The following WNT4 variants were observed in gnomAD, a reference collection of about 807,000 sequenced individuals.
The protein encoded by WNT4 is Wnt family member 4, also known as protein Wnt-4.
WNT4 carries 16 observed loss-of-function variants against 34.5 expected under a neutral mutation model. That is an observed-to-expected ratio of 0.46 (90% CI 0.31 to 0.70). The LOEUF (loss-of-function observed/expected upper bound fraction) is 0.70, where lower values mean the gene tolerates loss of function less well. WNT4 is among the 30% of genes least tolerant of loss of function. WNT4 has a pLI of 0.04. For missense variants in WNT4, 379 were observed against 495.9 expected (o/e 0.76, Z 2.24); for synonymous variants, 200 against 211.9 (o/e 0.94, Z 0.49).
intron 1 of WNT4, among the ~76,000 whole-genome samples, chr1:22,141,474 T>G (rs1001753547): frequency 2.0e-5 from 3 of 151,998 alleles, no homozygotes; most frequent in Admixed American, 6.5e-5. Flanking sequence ...ATTCAGGGGG[T>G]GGCCTGCAGG....
At chr1:22,129,259 G>A (rs1645963678) in intron 2 of WNT4, among the ~76,000 whole-genome samples, 1 of 152,160 alleles carries the variant, frequency 6.6e-6, no homozygotes, top group African/African-American at 2.4e-5. Context: ...TTCCTCTGAG[G>A]AACCTTGGGC....
At chr1:22,126,458 G>A (rs1333509884) in intron 2 of WNT4, among the ~76,000 whole-genome samples, 1 of 152,190 alleles carries the variant, frequency 6.6e-6, no homozygotes, top group Non-Finnish European at 1.5e-5. Context: ...CCAGGGCTGG[G>A]GATGTTACCA....
chr1:22,130,115 C>A (rs1000859162), intron 1 of WNT4, among the ~76,000 whole-genome samples: 4 of 152,176 alleles, frequency 2.6e-5, no homozygotes, highest in African/African-American at 9.7e-5. Flanking sequence ...GCTCATCGAG[C>A]CCCTACGGGA....
rs528675053 is a variant in WNT4, at chr1:22,120,323, C to T, written c.783G>A (p.Gln261=). The T allele has an allele frequency of 6.2e-7, 1 of 1,614,244 alleles. No individual in the cohort carries two copies. The change falls in exon 5 of 5, where the codon CAG becomes CAA. Residue 261 remains glutamine (Q), a synonymous_variant. Coordinates refer to ENST00000290167, the MANE Select transcript of WNT4 (RefSeq NM_030761.5). ...GGTCCTCATCTGTGTGCGGCTTGAA[C>T]TGTGCGTTGCGTGGCACCAGTGCCC... The part of the protein sequence containing the change: ...SSRALVPRNA[Q]FKPHTDEDLV...
Position 22,119,879 on chromosome 1 carries a change from G to T in WNT4, c.*171C>A. The T allele has an allele frequency of 1.2e-6, 1 of 800,572 alleles. No individual in the cohort carries two copies. The highest frequency in any genetic ancestry group is 2.0e-6 in the Non-Finnish European group (1 of 508,974). 49.6% of individuals were successfully genotyped at this position (800,572 alleles called of 1,614,324 possible). Reference sequence around the variant, plus strand: ...AGGCTTTGGGGAGGCCCTGGTTGGTGCCCTTGGGGTTGCCTGCCTGGTTTC... The same window carrying T: ...AGGCTTTGGGGAGGCCCTGGTTGGTTCCCTTGGGGTTGCCTGCCTGGTTTC... On this transcript the variant is annotated 3_prime_UTR_variant, in exon 5 of 5. Coordinates refer to ENST00000290167, the MANE Select transcript of WNT4 (RefSeq NM_030761.5).
At position 22,120,497 on chromosome 1, in the gene WNT4, C is replaced by G; in HGVS notation, c.609G>C (p.Arg203=). 6.2e-7 allele frequency: 1 copy of G among 1,612,914 alleles called. No individual in the cohort carries two copies. Among genetic ancestry groups the G allele is most frequent in the South Asian group, 1.1e-5 (1 of 91,000 alleles). ...AGRKAILTHM[R]VECKCHGVSG... ...ACACCCCGTGGCACTTGCATTCCAC[C>G]CGCATGTGTGTCAGGATGGCCTGTG... The change falls in exon 5 of 5, where the codon CGG becomes CGC. Residue 203 remains arginine (R), a synonymous_variant. Coordinates refer to ENST00000290167, the MANE Select transcript of WNT4 (RefSeq NM_030761.5).
chr1:22,141,563 C>A (rs1034938374), intron 1 of WNT4, among the ~76,000 whole-genome samples: 1 of 152,174 alleles, frequency 6.6e-6, no homozygotes, highest in Non-Finnish European at 1.5e-5. Context: ...CAAATTAAGG[C>A]TCCAAGAAAA....
At position 22,118,404 on chromosome 1, in the gene WNT4, A is replaced by C. The variant is rs1645865384; in HGVS notation, c.*1646T>G. The C allele has an allele frequency of 6.6e-6, 1 of 152,210 alleles. No homozygotes were observed. The highest frequency in any genetic ancestry group is 2.1e-4 in the South Asian group (1 of 4,828). 9.4% of individuals were successfully genotyped at this position (152,210 alleles called of 1,614,324 possible). On this transcript the variant is annotated 3_prime_UTR_variant, in exon 5 of 5. Coordinates refer to ENST00000290167, the MANE Select transcript of WNT4 (RefSeq NM_030761.5). Reference sequence around the variant, plus strand: ...TCTGGTGATTGGGAGCCCATCTGAGAAGCAGATGGGTCAAGGGCAAGGTCT... The same window carrying C: ...TCTGGTGATTGGGAGCCCATCTGAGCAGCAGATGGGTCAAGGGCAAGGTCT...
chr1:22,127,412 G>A, intron 2 of WNT4: 1 of 533,424 alleles, frequency 1.9e-6, no homozygotes, highest in Non-Finnish European at 3.8e-6. Flanking sequence ...GCGCCTTTGA[G>A]TCCTCTCCCC....
intron 1 of WNT4, among the ~76,000 whole-genome samples, chr1:22,135,228 C>T (rs1259970827): frequency 6.6e-6 from 1 of 152,204 alleles, no homozygotes; most frequent in Admixed American, 6.5e-5. Context: ...GGGACCTTCA[C>T]TTATACTCTG....
rs1440109199 is a variant in WNT4, at chr1:22,143,082, C to T, written c.-160G>A. The T allele has an allele frequency of 1.0e-5, 2 of 192,920 alleles. No homozygotes were observed. Among genetic ancestry groups the T allele is most frequent in the South Asian group, 1.6e-4 (1 of 6,418 alleles). The allele number at this position is 192,920 out of a possible 1,614,324, so 12.0% of individuals were successfully genotyped here. A position where few individuals can be genotyped will look rare whatever the true frequency, so the allele number is the denominator to read the frequency against. On this transcript the variant is annotated 5_prime_UTR_variant, in exon 1 of 5. Transcript: ENST00000290167. ...CCTGCCCGCTGCTGCGCCCGCTGCC[C>T]GGCGCGGACCAGACTGTCAGCGCCG...
Position 22,121,514 on chromosome 1 carries a change from G to T in WNT4, c.376C>A (p.Arg126=), listed in dbSNP as rs779763651. The T allele has an allele frequency of 9.3e-6, 15 of 1,613,984 alleles. No homozygotes were observed. The highest frequency in any genetic ancestry group is 2.2e-5 in the East Asian group (1 of 44,872). ...TCCAGCTCCCCACTGCTGCACGCCCGCGTCACTGCAAAGGCCACACCTGCC... is the reference window on the plus strand; with the variant it reads ...TCCAGCTCCCCACTGCTGCACGCCCTCGTCACTGCAAAGGCCACACCTGCC... The part of the protein sequence containing the change: ...SSAGVAFAVT[R]ACSSGELEKC... The change falls in exon 3 of 5, where the codon CGG becomes AGG. Residue 126 remains arginine (R), a synonymous_variant. Coordinates refer to ENST00000290167, the MANE Select transcript of WNT4 (RefSeq NM_030761.5).
At position 22,121,733 on chromosome 1, in the gene WNT4, T is replaced by A. The variant is rs1402468873; in HGVS notation, c.314-157A>T. Reference sequence around the variant, plus strand: ...TGTGCTAGGCACCCCACGGCGCTTGTTCTTATCACACCAATAGCTGAATCT... The same window carrying A: ...TGTGCTAGGCACCCCACGGCGCTTGATCTTATCACACCAATAGCTGAATCT... On this transcript the variant is annotated intron_variant, in intron 2 of 4. Transcript: ENST00000290167. 3.9e-5 allele frequency among the ~76,000 whole-genome samples: 6 copies of A among 152,302 alleles called. No homozygotes were observed. The East Asian group carries it at 1.2e-3, about 29-fold the overall frequency.
chr1:22,138,410 C>CA (rs955892282), intron 1 of WNT4, among the ~76,000 whole-genome samples: 1 of 152,132 alleles, frequency 6.6e-6, no homozygotes, highest in Non-Finnish European at 1.5e-5. Context: ...TTGCCCGCCC[C>CA]CCAGGGGACA....
rs1646033486 is a variant in WNT4 at position 22,137,745 on chromosome 1, A to G, written c.77+5101T>C. Among the ~76,000 whole-genome samples the G allele has an allele frequency of 6.6e-6, 1 of 152,194 alleles. No homozygotes were observed. The highest frequency in any genetic ancestry group is 1.5e-5 in the Non-Finnish European group (1 of 68,024). On this transcript the variant is annotated intron_variant, in intron 1 of 4. Transcript: ENST00000290167. The surrounding 1 kb of genome is among the most constrained non-coding windows in gnomAD (Gnocchi z 5.3). ...GCAGAGCCTGGTCCTGGGGTGCTGC[A>G]GTGCTGGGGGAGAAACACTCAGCCT...
Position 22,119,987 on chromosome 1 carries a change from T to C in WNT4, c.*63A>G. 2 of 1,570,728 alleles carry C rather than the reference T, an allele frequency of 1.3e-6. No homozygotes were observed. Among genetic ancestry groups the C allele is most frequent in the Non-Finnish European group, 1.7e-6 (2 of 1,157,788 alleles). On this transcript the variant is annotated 3_prime_UTR_variant, in exon 5 of 5. Transcript: ENST00000290167. ...TCTCTTGGGGTAGGTGGTGGGAGAC[T>C]GTTTAAATTATCGGCCTTCCCTGGG...
At chr1:22,131,068 C>G (rs977183252) in intron 1 of WNT4, among the ~76,000 whole-genome samples, 21 of 152,244 alleles carry the variant, frequency 1.4e-4, no homozygotes, top group African/African-American at 4.8e-4. Context: ...TGAGGTTGAG[C>G]AGGACTTGAA....
Position 22,123,658 on chromosome 1 carries a change from A to G in WNT4, c.314-2082T>C, listed in dbSNP as rs539703711. Among the ~76,000 whole-genome samples, 4 of 152,334 alleles carry G rather than the reference A, an allele frequency of 2.6e-5. No homozygotes were observed. In the East Asian group the frequency reaches 7.7e-4, roughly 29 times the overall value. On this transcript the variant is annotated intron_variant, in intron 2 of 4. Transcript: ENST00000290167. ...CACTGAGTGGTAAAGCAACTTGTCC[A>G]ACAATACCCAGCCAGGAAGTGGTGG...
chr1:22,121,422 C>G, intron 3 of WNT4, 23 bp downstream of exon 3: 1 of 1,613,954 alleles, frequency 6.2e-7, no homozygotes, highest in Non-Finnish European at 8.5e-7. Context: ...TGCCCTCCCA[C>G]TCTGACCACC....
Sources: allele counts gnomAD v4.1 joint callset (sites outside exome capture counted in the v4.1 genomes callset), GRCh38; gene constraint gnomAD v4.1.1; non-coding constraint Gnocchi (gnomAD v3.1); transcripts MANE v1.5; gene names NCBI Gene and HGNC (gene_info 2026-07-23, HGNC 2026-07-21).